GRAMD4: variants seen among roughly 807,000 people sequenced by gnomAD.
GRAMD4 encodes the protein GRAM domain-containing protein 4.
A neutral mutation model predicts 83.9 loss-of-function variants in GRAMD4; 25 were observed. That is an observed-to-expected ratio of 0.30 (90% confidence interval 0.22 to 0.42). GRAMD4 has a LOEUF of 0.42. GRAMD4 is among the 10% of genes least tolerant of loss of function. The pLI, the probability that GRAMD4 is intolerant of heterozygous loss-of-function variation, is 1.00. For synonymous variants in GRAMD4, 336 were observed against 320.9 expected, an observed-to-expected ratio of 1.05 and a Z score of -0.50; for missense variants, 593 against 788.7, an observed-to-expected ratio of 0.75 and a Z score of 2.97.
intron 3 of GRAMD4, among the ~76,000 whole-genome samples, chr22:46,647,059 G>A (rs562822836): frequency 1.4e-4 from 21 of 152,264 alleles, no homozygotes; most frequent in African/African-American, 3.9e-4. Flanking sequence ...ACAACACTTG[G>A]GAATTCAAGA....
At chr22:46,633,822 G>A (rs2081815351) in intron 2 of GRAMD4, among the ~76,000 whole-genome samples, 2 of 152,148 alleles carry the variant, frequency 1.3e-5, no homozygotes, top group South Asian at 2.1e-4. Flanking sequence ...CGGGGGTCCC[G>A]GCCGTACAGG....
At chr22:46,631,145 TGTG>T (rs1353863834) in intron 2 of GRAMD4, among the ~76,000 whole-genome samples, 1 of 152,252 alleles carries the variant, frequency 6.6e-6, no homozygotes, top group Non-Finnish European at 1.5e-5. Context: ...TTTTATTTGT[TGTG>T]GTAAAATACA....
chr22:46,661,781 C>G (rs2082331584), intron 5 of GRAMD4, among the ~76,000 whole-genome samples: 1 of 152,254 alleles, frequency 6.6e-6, no homozygotes, highest in African/African-American at 2.4e-5. Context: ...GAGAGCCACG[C>G]TGGTCACTGC....
intron 1 of GRAMD4, among the ~76,000 whole-genome samples, chr22:46,604,114 C>G (rs184168411): frequency 6.6e-6 from 1 of 152,182 alleles, no homozygotes; most frequent in East Asian, 1.9e-4. Context: ...TGTACCTTCT[C>G]GTGGCTCTGT....
chr22:46,596,087 A>G (rs540476029), intron 1 of GRAMD4, among the ~76,000 whole-genome samples: 1 of 152,336 alleles, frequency 6.6e-6, no homozygotes, highest in Admixed American at 6.5e-5. Flanking sequence ...CGTTGTTGGA[A>G]TCATTGTGCA....
chr22:46,642,879 T>G (rs2081992013), intron 3 of GRAMD4, among the ~76,000 whole-genome samples: 1 of 151,096 alleles, frequency 6.6e-6, no homozygotes, highest in Admixed American at 6.6e-5. Flanking sequence ...TCTGTCTGCC[T>G]CTCTTATCTA....
intron 6 of GRAMD4, 44 bp downstream of exon 6, chr22:46,663,216 C>G (rs376879681): frequency 1.9e-6 from 3 of 1,579,992 alleles, no homozygotes; most frequent in African/African-American, 2.7e-5. Flanking sequence ...TTAGGGGCCC[C>G]GGTCCCTGGG....
chr22:46,630,437 A>G (rs888534080), intron 2 of GRAMD4, among the ~76,000 whole-genome samples: 1 of 152,116 alleles, frequency 6.6e-6, no homozygotes, highest in Non-Finnish European at 1.5e-5. Context: ...GTGCTTCCAC[A>G]TGGTCTCGCT....
intron 1 of GRAMD4, among the ~76,000 whole-genome samples, chr22:46,583,344 T>G (rs1282610901): frequency 1.3e-5 from 2 of 152,242 alleles, no homozygotes; most frequent in Non-Finnish European, 2.9e-5. Context: ...TACATTAGTA[T>G]GATAGGTTTG....
At chr22:46,596,859 G>C (rs1240649324) in intron 1 of GRAMD4, among the ~76,000 whole-genome samples, 1 of 152,120 alleles carries the variant, frequency 6.6e-6, no homozygotes, top group Admixed American at 6.5e-5. Flanking sequence ...CCCAGATTAG[G>C]CTTTAAAAAT....
chr22:46,613,238 AGCAGG>A (rs2081435171), intron 1 of GRAMD4, among the ~76,000 whole-genome samples: 1 of 152,082 alleles, frequency 6.6e-6, no homozygotes, highest in Non-Finnish European at 1.5e-5. Flanking sequence ...AACAGCCCTG[AGCAGG>A]GGCCCCTGTC....
intron 3 of GRAMD4, among the ~76,000 whole-genome samples, chr22:46,638,866 C>T (rs1057380032): frequency 2.0e-5 from 3 of 152,210 alleles, no homozygotes; most frequent in Non-Finnish European, 4.4e-5. Context: ...GTGTCGTGCC[C>T]AGCCAGGGTC....
At chr22:46,623,621 G>A (rs1045211626) in intron 1 of GRAMD4, among the ~76,000 whole-genome samples, 1 of 151,850 alleles carries the variant, frequency 6.6e-6, no homozygotes, top group African/African-American at 2.4e-5. Flanking sequence ...TGGTCTCGAT[G>A]TCCTGACCTC....
intron 1 of GRAMD4, among the ~76,000 whole-genome samples, chr22:46,592,624 C>T (rs376639683): frequency 1.3e-5 from 2 of 152,192 alleles, no homozygotes; most frequent in Non-Finnish European, 1.5e-5. Flanking sequence ...ACCACATCCT[C>T]TACGCCTGCA....
intron 1 of GRAMD4, among the ~76,000 whole-genome samples, chr22:46,581,728 A>G (rs1039689343): frequency 6.6e-6 from 1 of 152,248 alleles, no homozygotes; most frequent in African/African-American, 2.4e-5. Flanking sequence ...AAGCCCTGGC[A>G]CAGAGCCACA....
intron 1 of GRAMD4, among the ~76,000 whole-genome samples, chr22:46,595,777 CTG>C (rs2147027761): frequency 6.6e-6 from 1 of 152,384 alleles, no homozygotes; most frequent in African/African-American, 2.4e-5. Flanking sequence ...AGGCAGGTGA[CTG>C]CATGGGCAGG....
upstream of GRAMD4, among the ~76,000 whole-genome samples, chr22:46,617,460 T>A (rs926726561): frequency 7.3e-5 from 11 of 151,024 alleles, no homozygotes; most frequent in Non-Finnish European, 1.3e-4. Context: ...TACGTGTAGG[T>A]TCCCCTGTGT....
intron 2 of GRAMD4, among the ~76,000 whole-genome samples, chr22:46,628,307 C>T (rs551802638): frequency 3.3e-4 from 51 of 152,352 alleles, no homozygotes; most frequent in Middle Eastern, 6.8e-3. Context: ...GAGTACCTGT[C>T]CTTGTCCCCT....
intron 1 of GRAMD4, among the ~76,000 whole-genome samples, chr22:46,612,011 A>AAAAG (rs1183221243): frequency 1.3e-5 from 2 of 149,744 alleles, no homozygotes; most frequent in East Asian, 2.0e-4. Context: ...AAAAAAAAAA[A>AAAAG]AAAAAAAGAA....
Sources: gnomAD v4.1 joint callset for allele counts (sites outside exome capture counted in the v4.1 genomes callset) on GRCh38, gnomAD v4.1.1 for gene constraint, MANE v1.5 for transcripts, NCBI Gene and HGNC (gene_info 2026-07-23, HGNC 2026-07-21) for gene names.